Variants in MAP3K4 observed in about 807,000 individuals in gnomAD.
The protein encoded by MAP3K4 is MAP three kinase 1.
A neutral mutation model predicts 185.6 loss-of-function variants in MAP3K4; 67 were observed. The observed-to-expected ratio is 0.36, with a 90% confidence interval of 0.30 to 0.44. MAP3K4 has a LOEUF of 0.44. Among genes scored for constraint, MAP3K4 ranks in the 20% least tolerant of loss-of-function variants. The probability of loss-of-function intolerance (pLI) is 1.00; values close to 1 mark genes in which losing one functional copy is unlikely to be tolerated. For missense variants in MAP3K4, 1,551 were observed against 1,995.1 expected (o/e 0.78, Z 4.24); for synonymous variants, 702 against 710.4 (o/e 0.99, Z 0.19).
chr6:161,009,680 G>A (rs999292408), intron 1 of MAP3K4, among the ~76,000 whole-genome samples: 14 of 151,916 alleles, frequency 9.2e-5, no homozygotes, highest in Non-Finnish European at 2.1e-4. Flanking sequence ...TGGAATATGT[G>A]CATTTAAAAA....
intron 11 of MAP3K4, among the ~76,000 whole-genome samples, chr6:161,089,999 A>G (rs1325717857): frequency 6.6e-6 from 1 of 152,092 alleles, no homozygotes; most frequent in African/African-American, 2.4e-5. Flanking sequence ...GACACTTTCT[A>G]TTTTGTATCC....
At position 161,114,294 on chromosome 6, in the gene MAP3K4, A is replaced by G. The variant is rs1778497775; in HGVS notation, c.4627-829A>G. 6.6e-6 allele frequency among the ~76,000 whole-genome samples: 1 copy of G among 152,224 alleles called. No homozygotes were observed. The highest frequency in any genetic ancestry group is 6.5e-5 in the Admixed American group (1 of 15,286). On this transcript the variant is annotated intron_variant, in intron 25 of 26. Coordinates refer to ENST00000392142, the MANE Select transcript of MAP3K4 (RefSeq NM_005922.4). This position sits in a 1 kb window ranked among gnomAD's most constrained non-coding sequence, Gnocchi z 4.3. ...TACAAATGTAAAAAGACACGCATGAACTGCACATGGTAGCTTACCGTACAC... is the reference window on the plus strand; with the variant it reads ...TACAAATGTAAAAAGACACGCATGAGCTGCACATGGTAGCTTACCGTACAC...
intron 1 of MAP3K4, among the ~76,000 whole-genome samples, chr6:160,994,667 T>C: frequency 6.6e-6 from 1 of 152,228 alleles, no homozygotes; most frequent in Non-Finnish European, 1.5e-5. Context: ...GTGGGATTGC[T>C]GGATCAAATG....
chr6:161,043,602 A>T lies in MAP3K4; in HGVS notation c.344-5014A>T, dbSNP rs189204048. Among the ~76,000 whole-genome samples the T allele has an allele frequency of 4.2e-4, 64 of 152,346 alleles. No individual in the cohort carries two copies. Among genetic ancestry groups the T allele is most frequent in the African/African-American group, 1.4e-3 (58 of 41,586 alleles). Reference sequence around the variant, plus strand: ...TCATCATGTTGTTACGAAAATTATGACAATGTCTGTGAAGCCCTTACCTGG... The same window carrying T: ...TCATCATGTTGTTACGAAAATTATGTCAATGTCTGTGAAGCCCTTACCTGG... On this transcript the variant is annotated intron_variant, in intron 2 of 26. Coordinates refer to ENST00000392142, the MANE Select transcript of MAP3K4 (RefSeq NM_005922.4). The surrounding 1 kb of genome is among the most constrained non-coding windows in gnomAD (Gnocchi z 4.3).
At position 161,070,664 on chromosome 6, in the gene MAP3K4, A is replaced by G; in HGVS notation, c.1764A>G (p.Thr588=). The G allele has an allele frequency of 6.2e-7, 1 of 1,614,094 alleles. No individual in the cohort carries two copies. Among genetic ancestry groups the G allele is most frequent in the African/African-American group, 1.3e-5 (1 of 75,042 alleles). Residue 588 remains threonine (T), a synonymous_variant, in exon 4 of 27, where the codon ACA becomes ACG. Transcript: ENST00000392142. The surrounding 1 kb of genome is among the most constrained non-coding windows in gnomAD (Gnocchi z 4.5). ...WGSDYVQLSR[T]PPSSEEKCSA... ...CAGATTATGTGCAGTTGTCAAGGAC[A>G]CCACCTTCATCTGAGGAGAAATGCA... is the stretch of plus-strand genomic sequence containing the variant.
chr6:161,016,369 T>C (rs1782113072), intron 1 of MAP3K4, among the ~76,000 whole-genome samples: 1 of 152,244 alleles, frequency 6.6e-6, no homozygotes, highest in African/African-American at 2.4e-5. Context: ...AGTTGGTTTA[T>C]CTGTTTTGTC....
rs1778175131 is a variant in MAP3K4, at chr6:161,108,038, C to T, written c.4119+69C>T. 7.1e-7 allele frequency: 1 copy of T among 1,408,772 alleles called. No homozygotes were observed. The highest frequency in any genetic ancestry group is 1.4e-5 in the African/African-American group (1 of 70,708). 87.3% of individuals were successfully genotyped at this position (1,408,772 alleles called of 1,614,324 possible). A position where few individuals can be genotyped will look rare whatever the true frequency, so the allele number is the denominator to read the frequency against. ...GGGTGATAGAAATTCCGTATAGACGCTGGTCGTGATTCAGTTCTCTGTGCG... is the reference window on the plus strand; with the variant it reads ...GGGTGATAGAAATTCCGTATAGACGTTGGTCGTGATTCAGTTCTCTGTGCG... On this transcript the variant is annotated intron_variant, in intron 21 of 26. Coordinates refer to ENST00000392142, the MANE Select transcript of MAP3K4 (RefSeq NM_005922.4). The surrounding 1 kb of genome is among the most constrained non-coding windows in gnomAD (Gnocchi z 5.7).
rs1783599721 is a variant in MAP3K4 at position 161,043,791 on chromosome 6, G to C, written c.344-4825G>C. ...GTCCCTTCAGGTTGCTGACTTGTCT[G>C]GTATTCTAGTTCATCATTACTCTGA... is the stretch of plus-strand genomic sequence containing the variant. On this transcript the variant is annotated intron_variant, in intron 2 of 26. Coordinates refer to ENST00000392142, the MANE Select transcript of MAP3K4 (RefSeq NM_005922.4). The surrounding 1 kb of genome is among the most constrained non-coding windows in gnomAD (Gnocchi z 4.3). Among the ~76,000 whole-genome samples, 1 of 152,050 alleles carries C rather than the reference G, an allele frequency of 6.6e-6. No individual in the cohort carries two copies. The highest frequency in any genetic ancestry group is 1.5e-5 in the Non-Finnish European group (1 of 68,014).
intron 2 of MAP3K4, among the ~76,000 whole-genome samples, chr6:161,035,315 T>G (rs1783115755): frequency 6.6e-6 from 1 of 152,204 alleles, no homozygotes. Flanking sequence ...CACACTCATT[T>G]CTACCTCTCC....
intron 3 of MAP3K4, among the ~76,000 whole-genome samples, chr6:161,057,610 G>A (rs1013380328): frequency 2.0e-5 from 3 of 152,150 alleles, no homozygotes; most frequent in African/African-American, 7.2e-5. Context: ...AACCTCCTGT[G>A]TGCCTCACGT....
In MAP3K4 at chr6:161,063,203, G is replaced by C. The variant is rs1784555718; in HGVS notation, c.1708-7405G>C. Among the ~76,000 whole-genome samples the C allele has an allele frequency of 6.6e-6, 1 of 151,154 alleles. No individual in the cohort carries two copies. Among genetic ancestry groups the C allele is most frequent in the Non-Finnish European group, 1.5e-5 (1 of 67,706 alleles). On this transcript the variant is annotated intron_variant, in intron 3 of 26. Transcript: ENST00000392142. The surrounding 1 kb of genome is among the most constrained non-coding windows in gnomAD (Gnocchi z 5.4). ...ATTAAATTCTGAGTTCTATCACTGA[G>C]GTTTTTTTTCTAATTCTAATTTTTG...
chr6:161,091,330 A>G lies in MAP3K4; in HGVS notation c.2974-49A>G, dbSNP rs1777297060. ...AATCTTCCTTTAAAATGTGGTAAGT[A>G]TTGTATGATTTGCTTCATTTTGCAT... On this transcript the variant is annotated intron_variant, in intron 11 of 26. Coordinates refer to ENST00000392142, the MANE Select transcript of MAP3K4 (RefSeq NM_005922.4). This position sits in a 1 kb window ranked among gnomAD's most constrained non-coding sequence, Gnocchi z 5.5. 2.0e-6 allele frequency: 3 copies of G among 1,516,596 alleles called. No individual in the cohort carries two copies. Among genetic ancestry groups the G allele is most frequent in the East Asian group, 4.6e-5 (2 of 43,070 alleles). 93.9% of individuals were successfully genotyped at this position (1,516,596 alleles called of 1,614,324 possible). A position where few individuals can be genotyped will look rare whatever the true frequency, so the allele number is the denominator to read the frequency against.
chr6:161,100,878 G>A lies in MAP3K4; in HGVS notation c.3675-1014G>A, dbSNP rs1311838604. Among the ~76,000 whole-genome samples the A allele has an allele frequency of 6.6e-6, 1 of 152,008 alleles. No homozygotes were observed. Among genetic ancestry groups the A allele is most frequent in the Non-Finnish European group, 1.5e-5 (1 of 68,022 alleles). ...TGCCGAATTTTTTATGAACTATATG[G>A]CAGTAGAAATGTCCCCATCACTTCA... On this transcript the variant is annotated intron_variant, in intron 17 of 26. Coordinates refer to ENST00000392142, the MANE Select transcript of MAP3K4 (RefSeq NM_005922.4). The surrounding 1 kb of genome is among the most constrained non-coding windows in gnomAD (Gnocchi z 5.8).
intron 3 of MAP3K4, among the ~76,000 whole-genome samples, chr6:161,058,017 T>C (rs1234029269): frequency 6.6e-6 from 1 of 152,200 alleles, no homozygotes; most frequent in Non-Finnish European, 1.5e-5. Flanking sequence ...AATAGTAATA[T>C]TGAGAAGACT....
At position 161,000,718 on chromosome 6, in the gene MAP3K4, TATACACACAC is replaced by T. The variant is rs577002614; in HGVS notation, c.152+8649_152+8658del. On this transcript the variant is annotated intron_variant, in intron 1 of 26. Transcript: ENST00000392142. Reference sequence around the variant, plus strand: ...TACACACATATATGTGTACACCATATATACACACACATACACACACATATATGTGTACACC... The same window carrying T: ...TACACACATATATGTGTACACCATATATACACACACATATATGTGTACACC... 3.1e-3 allele frequency among the ~76,000 whole-genome samples: 473 copies of T among 151,920 alleles called. 1 individual carries two copies. Among genetic ancestry groups the T allele is most frequent in the African/African-American group, 0.011 (452 of 41,474 alleles).
At chr6:161,081,165 A>G in intron 6 of MAP3K4, 127 bp downstream of exon 6, 17 of 1,010,664 alleles carry the variant, frequency 1.7e-5, no homozygotes, top group Non-Finnish European at 2.4e-5. Flanking sequence ...CATATCTCAT[A>G]TGTGCACCCT....
intron 2 of MAP3K4, among the ~76,000 whole-genome samples, chr6:161,045,969 G>A (rs187060763): frequency 1.4e-4 from 21 of 152,046 alleles, no homozygotes; most frequent in Admixed American, 5.2e-4. Flanking sequence ...CTACTATCAC[G>A]ATATTAAATA....
Position 161,112,624 on chromosome 6 carries a change from G to A in MAP3K4, c.4520-44G>A. On this transcript the variant is annotated intron_variant, in intron 24 of 26. Transcript: ENST00000392142. The surrounding 1 kb of genome is among the most constrained non-coding windows in gnomAD (Gnocchi z 5.1). ...CTTGGCTCTATTAATACATGTTGAT[G>A]TGTTTATAACCCATTACTCTCAACA... The A allele has an allele frequency of 8.5e-7, 1 of 1,172,340 alleles. No individual in the cohort carries two copies. Among genetic ancestry groups the A allele is most frequent in the Non-Finnish European group, 1.2e-6 (1 of 862,754 alleles). The allele number at this position is 1,172,340 out of a possible 1,614,324, so 72.6% of individuals were successfully genotyped here.
chr6:161,093,716 A>G lies in MAP3K4; in HGVS notation c.3349-57A>G. ...GAAAATTAATTTGTGCTACTTACAT[A>G]ATTAAGAAAGTATGCATGTTTTCTC... On this transcript the variant is annotated intron_variant, in intron 14 of 26. Coordinates refer to ENST00000392142, the MANE Select transcript of MAP3K4 (RefSeq NM_005922.4). The surrounding 1 kb of genome is among the most constrained non-coding windows in gnomAD (Gnocchi z 5.2). The G allele has an allele frequency of 1.0e-6, 1 of 990,712 alleles. No homozygotes were observed. Among genetic ancestry groups the G allele is most frequent in the Non-Finnish European group, 1.6e-6 (1 of 631,638 alleles). The allele number at this position is 990,712 out of a possible 1,614,324, so 61.4% of individuals were successfully genotyped here. A position where few individuals can be genotyped will look rare whatever the true frequency, so the allele number is the denominator to read the frequency against.
Sources: allele counts gnomAD v4.1 joint callset (sites outside exome capture counted in the v4.1 genomes callset), GRCh38; gene constraint gnomAD v4.1.1; non-coding constraint Gnocchi (gnomAD v3.1); transcripts MANE v1.5; gene names NCBI Gene and HGNC (gene_info 2026-07-23, HGNC 2026-07-21).